CNTNAP2: variants seen among roughly 807,000 people sequenced by gnomAD.
CNTNAP2 encodes the protein contactin associated protein 2, also known as contactin-associated protein-like 2.
A neutral mutation model predicts 155.2 loss-of-function variants in CNTNAP2; 98 were observed. The observed-to-expected ratio is 0.63, with a 90% CI of 0.54 to 0.75. The LOEUF (loss-of-function observed/expected upper bound fraction) is 0.75. Among genes scored for constraint, CNTNAP2 ranks in the 30% least tolerant of loss-of-function variants. The pLI, the probability that CNTNAP2 is intolerant of heterozygous loss-of-function variation, is 0.00. For synonymous variants in CNTNAP2, 651 were observed against 631.2 expected, an observed-to-expected ratio of 1.03 and a Z score of -0.47; for missense variants, 1,727 against 1,688.1, an observed-to-expected ratio of 1.02 and a Z score of -0.40.
intron 1 of CNTNAP2, among the ~76,000 whole-genome samples, chr7:146,301,368 T>C (rs1800607066): frequency 6.6e-6 from 1 of 152,076 alleles, no homozygotes; most frequent in African/African-American, 2.4e-5. Context: ...CTCACGCCTG[T>C]AATCCCAGCA....
intron 13 of CNTNAP2, among the ~76,000 whole-genome samples, chr7:147,878,522 G>A (rs1268044506): frequency 6.6e-6 from 1 of 151,640 alleles, no homozygotes; most frequent in Non-Finnish European, 1.5e-5. Flanking sequence ...GCAATCTTTA[G>A]GGTCTTTTTT....
At chr7:146,939,580 G>A (rs532957449) in intron 3 of CNTNAP2, among the ~76,000 whole-genome samples, 4 of 152,128 alleles carry the variant, frequency 2.6e-5, no homozygotes, top group Admixed American at 6.5e-5. Flanking sequence ...AGGATTTTAC[G>A]GTTCCCATGA....
chr7:147,211,972 A>T (rs535186419), intron 8 of CNTNAP2, among the ~76,000 whole-genome samples: 1 of 152,134 alleles, frequency 6.6e-6, no homozygotes, highest in Non-Finnish European at 1.5e-5. Flanking sequence ...AAGATACACA[A>T]GCAGCTAACA....
intron 3 of CNTNAP2, among the ~76,000 whole-genome samples, chr7:147,023,588 T>A (rs1357514596): frequency 1.3e-5 from 2 of 152,154 alleles, no homozygotes; most frequent in African/African-American, 2.4e-5. Flanking sequence ...CCACTTGTAT[T>A]CCTCCTCAAC....
At chr7:146,856,293 G>C (rs62481430) in intron 3 of CNTNAP2, among the ~76,000 whole-genome samples, 14,229 of 62,326 alleles carry the variant, frequency 0.23, 862 homozygotes, top group African/African-American at 0.35. Context: ...TAGATAGATA[G>C]ATAGATACAT....
At chr7:146,794,945 T>C (rs1044500668) in intron 2 of CNTNAP2, among the ~76,000 whole-genome samples, 3 of 152,222 alleles carry the variant, frequency 2.0e-5, no homozygotes, top group Non-Finnish European at 4.4e-5. Flanking sequence ...AGTTCTGCTC[T>C]AAAATGCAGC....
intron 11 of CNTNAP2, among the ~76,000 whole-genome samples, chr7:147,527,990 T>G (rs1799356823): frequency 6.6e-6 from 1 of 152,188 alleles, no homozygotes; most frequent in African/African-American, 2.4e-5. Flanking sequence ...CTGGAGAGTC[T>G]CTGAGAAACC....
chr7:146,782,088 T>C (rs112523298), intron 2 of CNTNAP2: 6 of 152,318 alleles, frequency 3.9e-5, no homozygotes, highest in African/African-American at 1.4e-4. Context: ...TAGACTCAAG[T>C]TCCCAATTGA....
intron 21 of CNTNAP2, among the ~76,000 whole-genome samples, chr7:148,272,323 C>A (rs543173583): frequency 3.9e-5 from 6 of 152,302 alleles, no homozygotes; most frequent in African/African-American, 1.4e-4. Context: ...CTTTTACCAG[C>A]CGAGTGATGT....
chr7:147,714,163 C>T (rs560206497), intron 13 of CNTNAP2, among the ~76,000 whole-genome samples: 22 of 152,130 alleles, frequency 1.4e-4, no homozygotes, highest in Admixed American at 1.3e-3. Flanking sequence ...GGAAAAGGGA[C>T]AAACAGTGCT....
At chr7:148,072,317 G>A (rs1484931482) in intron 15 of CNTNAP2, among the ~76,000 whole-genome samples, 1 of 152,090 alleles carries the variant, frequency 6.6e-6, no homozygotes, top group Non-Finnish European at 1.5e-5. Flanking sequence ...TTCTGTAAAG[G>A]ACCAGATAGT....
intron 3 of CNTNAP2, among the ~76,000 whole-genome samples, chr7:147,026,590 CTT>C (rs998499090): frequency 6.9e-6 from 1 of 145,274 alleles, no homozygotes; most frequent in Non-Finnish European, 1.5e-5. Flanking sequence ...CTTGGAATGT[CTT>C]TTTTTTTTTC....
At chr7:148,383,572 A>G (rs967820111) in intron 21 of CNTNAP2, 77 bp from the exon 22 acceptor site, 27 of 1,595,842 alleles carry the variant, frequency 1.7e-5, no homozygotes, top group Non-Finnish European at 2.3e-5. Flanking sequence ...TTTGGACACA[A>G]GCATTCAAAG....
At position 147,950,642 on chromosome 7, in the gene CNTNAP2, C is replaced by T. The variant is rs569635156; in HGVS notation, c.2256-27220C>T. Among the ~76,000 whole-genome samples, 52 of 152,254 alleles carry T rather than the reference C, an allele frequency of 3.4e-4. 1 individual carries two copies. Among genetic ancestry groups the T allele is most frequent in the African/African-American group, 1.1e-3 (45 of 41,556 alleles). On this transcript the variant is annotated intron_variant, in intron 14 of 23. Transcript: ENST00000361727. ...AATACCTGGTGAGCTCTGCTCTGTC[C>T]GAATCACAGAAGGGTGGCAGAATAT... is the stretch of plus-strand genomic sequence containing the variant.
intron 3 of CNTNAP2, among the ~76,000 whole-genome samples, chr7:146,967,978 C>T (rs113424872): frequency 0.044 from 5,711 of 130,822 alleles, 143 homozygotes; most frequent in Middle Eastern, 0.094. Flanking sequence ...TTTTGAAATA[C>T]GTCCCATCAA....
chr7:146,215,252 A>C (rs1799095453), intron 1 of CNTNAP2, among the ~76,000 whole-genome samples: 1 of 152,210 alleles, frequency 6.6e-6, no homozygotes, highest in Non-Finnish European at 1.5e-5. Flanking sequence ...ACTCATACAA[A>C]ATAATACTTG....
chr7:146,741,587 A>T (rs755981659), intron 1 of CNTNAP2, among the ~76,000 whole-genome samples: 2 of 152,234 alleles, frequency 1.3e-5, no homozygotes, highest in African/African-American at 2.4e-5. Context: ...GTTCCCGAAA[A>T]GACAAAGGAT....
intron 10 of CNTNAP2, among the ~76,000 whole-genome samples, chr7:147,479,243 G>A (rs551655814): frequency 9.9e-5 from 15 of 152,150 alleles, no homozygotes; most frequent in Middle Eastern, 3.4e-3. Context: ...TTCCATACAC[G>A]CATAAAACAA....
At chr7:147,606,758 T>A (rs1016890544) in intron 12 of CNTNAP2, among the ~76,000 whole-genome samples, 1 of 152,190 alleles carries the variant, frequency 6.6e-6, no homozygotes. Flanking sequence ...AATGGACAGC[T>A]GATCTGCGCT....
Sources: gnomAD v4.1 joint callset for allele counts (sites outside exome capture counted in the v4.1 genomes callset) on GRCh38, gnomAD v4.1.1 for gene constraint, MANE v1.5 for transcripts, NCBI Gene and HGNC (gene_info 2026-07-23, HGNC 2026-07-21) for gene names.